Variants in NOP9 observed in about 807,000 individuals in gnomAD.
NOP9 encodes the protein NOP9 nucleolar protein, also known as nucleolar protein 9.
NOP9 carries 50 observed loss-of-function variants against 63.0 expected under a neutral mutation model. That is an observed-to-expected ratio of 0.79 (90% CI 0.63 to 1.00). NOP9 has a LOEUF of 1.00. Ranked by LOEUF, NOP9 falls within the 50% of genes least tolerant of loss-of-function variation. The pLI is 0.00. For synonymous variants in NOP9, 343 were observed against 332.8 expected (o/e 1.03, Z -0.33); for missense variants, 758 against 803.0 (o/e 0.94, Z 0.68).
chr14:24,271,433 T>G, the NOP9 span: 23 of 246,246 alleles, frequency 9.3e-5, no homozygotes, highest in East Asian at 1.4e-4. Context: ...AGGTTGCCGC[T>G]ACCCGCCCGT....
At position 24,305,650 on chromosome 14, in the gene NOP9, G is replaced by C. The variant is rs371509099; in HGVS notation, c.*555G>C. 62 of 1,613,474 alleles carry C rather than the reference G, an allele frequency of 3.8e-5. No homozygotes were observed. The highest frequency in any genetic ancestry group is 5.2e-5 in the Non-Finnish European group (61 of 1,179,776). ...AGAGCCCCTTAGTAGGAATGGAGGC[G>C]GCCCTTCTGCTGCCACTGCTCAGCC... On this transcript the variant is annotated 3_prime_UTR_variant, in exon 10 of 10. Coordinates refer to ENST00000267425, the MANE Select transcript of NOP9 (RefSeq NM_174913.3).
At position 24,307,322 on chromosome 14, in the gene NOP9, G is replaced by A. The variant is rs749180656; in HGVS notation, c.*2227G>A. ...CATCACAAGTTGCCACTGTTGTGGA[G>A]CCCCTTGGCTACCCCTGCTATAGGA... On this transcript the variant is annotated 3_prime_UTR_variant, in exon 10 of 10. Coordinates refer to ENST00000267425, the MANE Select transcript of NOP9 (RefSeq NM_174913.3). 1 of 1,570,382 alleles carries A rather than the reference G, an allele frequency of 6.4e-7. No individual in the cohort carries two copies. The highest frequency in any genetic ancestry group is 1.8e-5 in the Admixed American group (1 of 56,518).
At chr14:24,292,581 T>G in the NOP9 span, 7 of 1,612,398 alleles carry the variant, frequency 4.3e-6, no homozygotes, top group Non-Finnish European at 5.9e-6. Flanking sequence ...CCACTGGGGA[T>G]TGTACCTCCT....
chr14:24,279,714 G>A, the NOP9 span, among the ~76,000 whole-genome samples: 1 of 152,220 alleles, frequency 6.6e-6, no homozygotes, highest in South Asian at 2.1e-4. Flanking sequence ...ATAATGACAT[G>A]TTGGCTAAAA....
rs2041350441 is a variant in NOP9, at chr14:24,300,459, T to C, written c.299T>C (p.Leu100Ser). 2 of 1,614,108 alleles carry C rather than the reference T, an allele frequency of 1.2e-6. No homozygotes were observed. The highest frequency in any genetic ancestry group is 1.7e-6 in the Non-Finnish European group (2 of 1,180,038). ...MKEVETQALALSTNRTGSEML... is the reference protein window; with the variant it reads ...MKEVETQALASSTNRTGSEML... ...GAAGTAGAGACTCAGGCCCTAGCTT[T>C]GTCCACGAACAGGACTGGCAGTGAG... Residue 100 changes from leucine to serine, a missense_variant, in exon 2 of 10, where the codon TTG (leucine) becomes TCG (serine). Leu to Ser is a moderately radical substitution (Grantham distance 145, BLOSUM62 -2). Transcript: ENST00000267425.
chr14:24,279,530 G>A, the NOP9 span, among the ~76,000 whole-genome samples: 1 of 152,164 alleles, frequency 6.6e-6, no homozygotes, highest in Admixed American at 6.5e-5. Flanking sequence ...CCCCACAAGA[G>A]CATTCTAACT....
chr14:24,272,749 A>G, the NOP9 span, among the ~76,000 whole-genome samples: 616 of 152,336 alleles, frequency 4.0e-3, no homozygotes, highest in African/African-American at 0.014. Flanking sequence ...TGACCCTGCC[A>G]AAAACTCTTC....
the NOP9 span, chr14:24,290,708 AC>A: frequency 2.2e-6 from 2 of 919,308 alleles, no homozygotes; most frequent in Non-Finnish European, 1.6e-6. Flanking sequence ...ACCTAGGCGC[AC>A]CCCAGAACTC....
the NOP9 span, among the ~76,000 whole-genome samples, chr14:24,287,650 C>T: frequency 6.6e-6 from 1 of 152,200 alleles, no homozygotes; most frequent in Non-Finnish European, 1.5e-5. Flanking sequence ...AGCTGTTCTG[C>T]TACTTTTGTG....
the NOP9 span, among the ~76,000 whole-genome samples, chr14:24,273,439 A>G: frequency 7.9e-5 from 12 of 152,334 alleles, no homozygotes; most frequent in South Asian, 2.5e-3. Flanking sequence ...TTGGCCTCCC[A>G]GAGTGCTGGG....
chr14:24,291,877 G>A, the NOP9 span: 1 of 606,298 alleles, frequency 1.6e-6, no homozygotes, highest in South Asian at 2.0e-5. Flanking sequence ...GTGCCAAATA[G>A]TGTTTGGACC....
chr14:24,286,589 T>A, the NOP9 span, among the ~76,000 whole-genome samples: 1 of 150,032 alleles, frequency 6.7e-6, no homozygotes, highest in African/African-American at 2.5e-5. Context: ...ATTTTTATTT[T>A]ATTTATTTAT....
the NOP9 span, among the ~76,000 whole-genome samples, chr14:24,277,660 C>G: frequency 6.6e-6 from 1 of 152,194 alleles, no homozygotes; most frequent in Non-Finnish European, 1.5e-5. Flanking sequence ...TAAAGCCTGG[C>G]CTTGTGCTCA....
chr14:24,297,771 G>A (rs566620466), upstream of NOP9, among the ~76,000 whole-genome samples: 15 of 152,180 alleles, frequency 9.9e-5, no homozygotes, highest in Non-Finnish European at 1.5e-4. Flanking sequence ...TTCACACAGC[G>A]TCCCTATGCT....
the NOP9 span, among the ~76,000 whole-genome samples, chr14:24,278,681 G>A: frequency 8.5e-5 from 13 of 152,336 alleles, no homozygotes; most frequent in Non-Finnish European, 1.3e-4. Flanking sequence ...GCTGATAAGA[G>A]ATTGGAAAGA....
chr14:24,303,330 G>T (rs2041411597), intron 6 of NOP9, 116 bp downstream of exon 6: 4 of 1,321,226 alleles, frequency 3.0e-6, no homozygotes, highest in African/African-American at 2.9e-5. Context: ...TGCCCAAGGA[G>T]TTCACAGGAA....
intron 6 of NOP9, among the ~76,000 whole-genome samples, 155 bp downstream of exon 6, chr14:24,303,369 G>A (rs923971935): frequency 2.0e-5 from 3 of 148,660 alleles, no homozygotes; most frequent in Non-Finnish European, 3.0e-5. Flanking sequence ...ATAGGTGCCC[G>A]CCACCATACC....
chr14:24,276,105 A>T, the NOP9 span, among the ~76,000 whole-genome samples: 1 of 151,882 alleles, frequency 6.6e-6, no homozygotes, highest in Non-Finnish European at 1.5e-5. Context: ...GGCCAGCTGT[A>T]ATGCTGTAGT....
At position 24,304,026 on chromosome 14, in the gene NOP9, T is replaced by C. The variant is rs1366985819; in HGVS notation, c.1411-15T>C. 4.3e-6 allele frequency: 7 copies of C among 1,611,440 alleles called. No individual in the cohort carries two copies. Among genetic ancestry groups the C allele is most frequent in the East Asian group, 2.2e-5 (1 of 44,882 alleles). ...CTTGTTGGTGCCTCCTAATTTCTTATCTCTGCGCTGCCAGGTGGCAATGGC... is the reference window on the plus strand; with the variant it reads ...CTTGTTGGTGCCTCCTAATTTCTTACCTCTGCGCTGCCAGGTGGCAATGGC... On this transcript the variant is annotated splice_polypyrimidine_tract_variant and intron_variant, in intron 7 of 9. Coordinates refer to ENST00000267425, the MANE Select transcript of NOP9 (RefSeq NM_174913.3).
Sources: allele counts gnomAD v4.1 joint callset (sites outside exome capture counted in the v4.1 genomes callset), GRCh38; gene constraint gnomAD v4.1.1; transcripts MANE v1.5; gene names NCBI Gene and HGNC (gene_info 2026-07-23, HGNC 2026-07-21).